Variants in ERBB2 observed in about 807,000 individuals in gnomAD.
ERBB2 encodes the protein receptor tyrosine-protein kinase erbB-2.
In ERBB2, 61 loss-of-function variants were observed where a neutral mutation model predicts 149.0. The ratio of observed to expected loss-of-function variants is 0.41; its 90% CI spans 0.33 to 0.51. ERBB2 has a LOEUF of 0.51. Among genes scored for constraint, ERBB2 ranks in the 20% least tolerant of loss-of-function variants. The pLI, the probability that ERBB2 is intolerant of heterozygous loss-of-function variation, is 0.25. For missense variants in ERBB2, 1,205 were observed against 1,655.1 expected (o/e 0.73, Z 4.72); for synonymous variants, 633 against 678.8 (o/e 0.93, Z 1.05).
intron 9 of ERBB2, among the ~76,000 whole-genome samples, chr17:39,714,285 AC>A (rs1218421466): frequency 1.3e-5 from 2 of 152,106 alleles, no homozygotes; most frequent in Non-Finnish European, 2.9e-5. Flanking sequence ...GCCGGTCATG[AC>A]AGTTCCCATT....
At chr17:39,704,279 C>G (rs931352731) in intron 1 of ERBB2, among the ~76,000 whole-genome samples, 136 of 152,112 alleles carry the variant, frequency 8.9e-4, no homozygotes, top group African/African-American at 3.1e-3. Flanking sequence ...ACCTACCCCC[C>G]AGGAAATCAA....
upstream of ERBB2, among the ~76,000 whole-genome samples, chr17:39,694,261 ATATATATGTG>A (rs1458824785): frequency 5.7e-4 from 12 of 21,092 alleles, no homozygotes; most frequent in African/African-American, 1.4e-3. Context: ...ATATATATAT[ATATATATGTG>A]TGTATATATA....
intron 14 of ERBB2, 167 bp from the exon 15 acceptor site, chr17:39,717,153 G>A (rs1468430261): frequency 2.0e-5 from 11 of 551,434 alleles, no homozygotes; most frequent in Non-Finnish European, 3.1e-5. Flanking sequence ...CCCGAGGGAG[G>A]GGCCACAGAG....
chr17:39,709,254 G>T (rs542736578), intron 3 of ERBB2, 64 bp from the exon 4 acceptor site: 2 of 1,593,020 alleles, frequency 1.3e-6, no homozygotes, highest in Non-Finnish European at 1.7e-6. Context: ...AGGCAGGAGG[G>T]CCCCAAGGGA....
chr17:39,690,832 GA>G (rs925866494), upstream of ERBB2, among the ~76,000 whole-genome samples: 2 of 151,482 alleles, frequency 1.3e-5, no homozygotes, highest in Admixed American at 6.6e-5. Flanking sequence ...ACTCATGGGG[GA>G]AAAAAAAGAC....
intron 1 of ERBB2, among the ~76,000 whole-genome samples, chr17:39,702,425 A>G (rs1565923): frequency 0.66 from 100,721 of 152,116 alleles, 33,643 homozygotes; most frequent in South Asian, 0.73. Context: ...ATTTTTCTGA[A>G]ATCCTTTCTT....
upstream of ERBB2, chr17:39,699,918 C>G (rs1399471464): frequency 1.1e-6 from 1 of 943,688 alleles, no homozygotes; most frequent in Non-Finnish European, 1.4e-6. Flanking sequence ...GAAAGTGAAG[C>G]TGGGAGTTGC....
upstream of ERBB2, among the ~76,000 whole-genome samples, chr17:39,693,568 A>G (rs2057758977): frequency 6.6e-6 from 1 of 151,704 alleles, no homozygotes; most frequent in African/African-American, 2.4e-5. Context: ...TGCAGCCAAA[A>G]ACTTCTGGGC....
Position 39,726,541 on chromosome 17 carries a change from C to T in ERBB2, c.2873-21C>T, listed in dbSNP as rs1391298484. 2 of 1,605,148 alleles carry T rather than the reference C, an allele frequency of 1.2e-6. No individual in the cohort carries two copies. The highest frequency in any genetic ancestry group is 2.2e-5 in the South Asian group (2 of 90,846). On this transcript the variant is annotated intron_variant, in intron 23 of 26. Transcript: ENST00000269571. This position sits in a 1 kb window ranked among gnomAD's most constrained non-coding sequence, Gnocchi z 5.1. The stretch of plus-strand genomic sequence containing the variant: ...GCACACAGGGCCTGGGACTAGCATG[C>T]TGACCTCCCTCCTGCCCCAGGTTGG...
chr17:39,699,587 G>T, upstream of ERBB2: 5 of 1,498,418 alleles, frequency 3.3e-6, no homozygotes, highest in Non-Finnish European at 4.5e-6. Flanking sequence ...GAAGCCACAA[G>T]GTAAACACAA....
intron 9 of ERBB2, among the ~76,000 whole-genome samples, chr17:39,713,752 CAAAAA>C (rs1222229763): frequency 8.9e-6 from 1 of 112,370 alleles, no homozygotes; most frequent in African/African-American, 4.2e-5. Context: ...GACCCTGTCT[CAAAAA>C]GAAAAAAAAA....
Position 39,725,140 on chromosome 17 carries a change from C to T in ERBB2, c.2585C>T (p.Thr862Ile), listed in dbSNP as rs2145865705. Residue 862 changes from threonine (T) to isoleucine (I), a missense_variant, in exon 21 of 27, where the codon ACA becomes ATA. By Grantham distance (89) the Thr-to-Ile change is moderately conservative. Coordinates refer to ENST00000269571, the MANE Select transcript of ERBB2 (RefSeq NM_004448.4). This position sits in a 1 kb window ranked among gnomAD's most constrained non-coding sequence, Gnocchi z 4.6. ...LVKSPNHVKI[T>I]DFGLARLLDI... ...AAGAGTCCCAACCATGTCAAAATTACAGACTTCGGGCTGGCTCGGCTGCTG... is the reference window on the plus strand; with the variant it reads ...AAGAGTCCCAACCATGTCAAAATTATAGACTTCGGGCTGGCTCGGCTGCTG... 6.2e-7 allele frequency: 1 copy of T among 1,614,174 alleles called. No individual in the cohort carries two copies. Among genetic ancestry groups the T allele is most frequent in the South Asian group, 1.1e-5 (1 of 91,084 alleles).
At position 39,724,752 on chromosome 17, in the gene ERBB2, C is replaced by G. The variant is rs2059655720; in HGVS notation, c.2334C>G (p.Gly778=). The change falls in exon 20 of 27, where the codon GGC becomes GGG. Residue 778 remains glycine (G), a synonymous_variant. Coordinates refer to ENST00000269571, the MANE Select transcript of ERBB2 (RefSeq NM_004448.4). The part of the protein sequence containing the change: ...LDEAYVMAGV[G]SPYVSRLLGI... ...AAGCATACGTGATGGCTGGTGTGGG[C>G]TCCCCATATGTCTCCCGCCTTCTGG... The G allele has an allele frequency of 6.2e-7, 1 of 1,614,198 alleles. No homozygotes were observed. The highest frequency in any genetic ancestry group is 8.5e-7 in the Non-Finnish European group (1 of 1,180,024).
rs2143264417 is a variant in ERBB2 at position 39,727,565 on chromosome 17, A to G, written c.3412+18A>G. ...CCAGCCTGGTATGGAGTCCAGTCTAAGCAGAGAGACTGATGGGCAGGGGAG... is the reference window on the plus strand; with the variant it reads ...CCAGCCTGGTATGGAGTCCAGTCTAGGCAGAGAGACTGATGGGCAGGGGAG... On this transcript the variant is annotated intron_variant, in intron 26 of 26. Coordinates refer to ENST00000269571, the MANE Select transcript of ERBB2 (RefSeq NM_004448.4). The surrounding 1 kb of genome is among the most constrained non-coding windows in gnomAD (Gnocchi z 4.3). The G allele has an allele frequency of 6.3e-7, 1 of 1,589,754 alleles. No individual in the cohort carries two copies. Among genetic ancestry groups the G allele is most frequent in the Non-Finnish European group, 8.5e-7 (1 of 1,173,836 alleles).
rs749633839 is a variant in ERBB2 at position 39,717,315 on chromosome 17, C to T, written c.1738-5C>T. The T allele has an allele frequency of 8.1e-6, 13 of 1,601,814 alleles. No individual in the cohort carries two copies. Among genetic ancestry groups the T allele is most frequent in the Admixed American group, 3.4e-5 (2 of 59,234 alleles). The stretch of plus-strand genomic sequence containing the variant: ...CCCCCCACAAATCTTTTCTGCCCCC[C>T]CCAGGAGGCTGACCAGTGTGTGGCC... On this transcript the variant is annotated splice_polypyrimidine_tract_variant and splice_region_variant and intron_variant, in intron 14 of 26. Coordinates refer to ENST00000269571, the MANE Select transcript of ERBB2 (RefSeq NM_004448.4).
intron 14 of ERBB2, chr17:39,716,852 G>T: frequency 1.8e-6 from 1 of 550,352 alleles, no homozygotes; most frequent in Non-Finnish European, 3.3e-6. Flanking sequence ...GCTGTGCTAG[G>T]GTGGTGAGCC....
In ERBB2 at chr17:39,700,137, C is replaced by T. The variant is rs1006237321; in HGVS notation, c.-102C>T. ...GCGCCCCTTCCCACGGGGCCCTTTA[C>T]TGCGCCGCGCGCCCGGCCCCCACCC... On this transcript the variant is annotated 5_prime_UTR_variant, in exon 1 of 27. Transcript: ENST00000269571. The T allele has an allele frequency of 6.8e-6, 9 of 1,314,614 alleles. No homozygotes were observed. Among genetic ancestry groups the T allele is most frequent in the Middle Eastern group, 5.7e-4 (2 of 3,500 alleles). The allele number at this position is 1,314,614 out of a possible 1,614,324, so 81.4% of individuals were successfully genotyped here.
rs1014948311 is a variant in ERBB2, at chr17:39,723,212, C to T, written c.1947-107C>T. ...GGTCCAAGCCTGTGGGTCACCCTTCCGACTTCCCTTTCCGAATGCCAAACA... is the reference window on the plus strand; with the variant it reads ...GGTCCAAGCCTGTGGGTCACCCTTCTGACTTCCCTTTCCGAATGCCAAACA... On this transcript the variant is annotated intron_variant, in intron 16 of 26. Coordinates refer to ENST00000269571, the MANE Select transcript of ERBB2 (RefSeq NM_004448.4). This position sits in a 1 kb window ranked among gnomAD's most constrained non-coding sequence, Gnocchi z 6.2. 1.6e-5 allele frequency: 20 copies of T among 1,217,664 alleles called. No individual in the cohort carries two copies. The highest frequency in any genetic ancestry group is 2.0e-5 in the Non-Finnish European group (17 of 853,290). The allele number at this position is 1,217,664 out of a possible 1,614,324, so 75.4% of individuals were successfully genotyped here. A position where few individuals can be genotyped will look rare whatever the true frequency, so the allele number is the denominator to read the frequency against.
chr17:39,701,167 T>C (rs1166979551), intron 1 of ERBB2, among the ~76,000 whole-genome samples: 1 of 152,126 alleles, frequency 6.6e-6, no homozygotes, highest in Non-Finnish European at 1.5e-5. Context: ...GGGGGCAGTG[T>C]GTATCCTGAC....
Sources: allele counts gnomAD v4.1 joint callset (sites outside exome capture counted in the v4.1 genomes callset), GRCh38; gene constraint gnomAD v4.1.1; non-coding constraint Gnocchi (gnomAD v3.1); transcripts MANE v1.5; gene names NCBI Gene and HGNC (gene_info 2026-07-23, HGNC 2026-07-21).